Variants in TBC1D1 observed in about 807,000 individuals in gnomAD.
The protein encoded by TBC1D1 is TBC1 (tre-2/USP6, BUB2, cdc16) domain family, member 1.
TBC1D1 carries 89 observed loss-of-function variants against 125.6 expected under a neutral mutation model. The observed-to-expected ratio is 0.71, with a 90% CI of 0.60 to 0.85. TBC1D1 has a LOEUF of 0.85. TBC1D1 is among the 40% of genes least tolerant of loss of function. TBC1D1 has a pLI of 0.00. For missense variants in TBC1D1, 1,377 were observed against 1,469.2 expected (o/e 0.94, Z 1.03); for synonymous variants, 565 against 564.1 (o/e 1.00, Z -0.02).
chr4:38,111,446 G>T (rs1339262600), intron 15 of TBC1D1, among the ~76,000 whole-genome samples: 1 of 151,912 alleles, frequency 6.6e-6, no homozygotes, highest in East Asian at 1.9e-4. Flanking sequence ...TATTTGATTC[G>T]TATTTATTTT....
rs559688670 is a variant in TBC1D1, at chr4:38,014,879, C to A, written c.788C>A (p.Ser263Tyr). Residue 263 changes from serine (S) to tyrosine (Y), a missense_variant, in exon 3 of 20, where the codon TCC becomes TAC. By Grantham distance (144) the Ser-to-Tyr change is moderately radical. This residue lies in a region of TBC1D1 where 822 missense variants were observed against 824.6 expected (regional missense o/e 1.00). Coordinates refer to ENST00000261439, the MANE Select transcript of TBC1D1 (RefSeq NM_015173.4). This position sits in a 1 kb window ranked among gnomAD's most constrained non-coding sequence, Gnocchi z 5.1. ...CTCCGAAGCAGCGGCTTCTTCAGCT[C>A]CTTCGAGGAGAGCGACATTGAGAAC... is the stretch of plus-strand genomic sequence containing the variant. 1.9e-6 allele frequency: 3 copies of A among 1,608,426 alleles called. No homozygotes were observed. The South Asian group carries it at 3.3e-5, about 18-fold the overall frequency.
At chr4:38,015,434 G>A (rs1427485009) in intron 3 of TBC1D1, among the ~76,000 whole-genome samples, 2 of 151,118 alleles carry the variant, frequency 1.3e-5, no homozygotes, top group East Asian at 3.9e-4. Flanking sequence ...TACCCAAACT[G>A]AAATATTAAT....
At chr4:38,052,194 TGC>T (rs561090742) in intron 11 of TBC1D1, 134 bp downstream of exon 12, 49 of 581,170 alleles carry the variant, frequency 8.4e-5, no homozygotes, top group Middle Eastern at 3.1e-4. Flanking sequence ...TGTGTGTGTG[TGC>T]GCGCGCGTGT....
At chr4:37,964,640 G>C (rs1416848207) in intron 2 of TBC1D1, among the ~76,000 whole-genome samples, 1 of 152,222 alleles carries the variant, frequency 6.6e-6, no homozygotes, top group African/African-American at 2.4e-5. Context: ...GCCTGGATGG[G>C]GACAAGGGGC....
Position 38,014,653 on chromosome 4 carries a change from G to C in TBC1D1, c.562G>C (p.Ala188Pro), listed in dbSNP as rs781053242. ...CCGCGTGACGGTGGCGCACAAGAAG[G>C]CTCCGCCGGCCCTGATCGACGAGTG... Residue 188 changes from alanine to proline, a missense_variant, in exon 3 of 20, where the codon GCT becomes CCT. Physicochemically the swap from Ala to Pro is conservative, Grantham distance 27. This residue lies in a region of TBC1D1 where 822 missense variants were observed against 824.6 expected (regional missense o/e 1.00). Transcript: ENST00000261439. This position sits in a 1 kb window ranked among gnomAD's most constrained non-coding sequence, Gnocchi z 5.1. The C allele has an allele frequency of 2.0e-5, 32 of 1,613,132 alleles. No individual in the cohort carries two copies. The highest frequency in any genetic ancestry group is 2.7e-5 in the Non-Finnish European group (32 of 1,180,024).
At chr4:38,052,190 TGTGTGC>T (rs2152482756) in intron 11 of TBC1D1, 130 bp downstream of exon 12, 19 of 614,692 alleles carry the variant, frequency 3.1e-5, no homozygotes, top group South Asian at 5.6e-5. Context: ...TGTGTGTGTG[TGTGTGC>T]GCGCGCGTGT....
chr4:38,065,956 C>T (rs1753658787), intron 12 of TBC1D1, among the ~76,000 whole-genome samples: 5 of 152,162 alleles, frequency 3.3e-5, no homozygotes, highest in Admixed American at 3.3e-4. Flanking sequence ...GGACTTACTG[C>T]CCATCTTTTA....
chr4:38,116,394 A>G (rs1022929793), intron 16 of TBC1D1, among the ~76,000 whole-genome samples: 1 of 152,178 alleles, frequency 6.6e-6, no homozygotes, highest in African/African-American at 2.4e-5. Flanking sequence ...TCCTGGGAGA[A>G]GCTCATTCTG....
intron 17 of TBC1D1, 58 bp from the exon 20 acceptor site, chr4:38,124,904 A>G (rs1239618707): frequency 6.8e-7 from 1 of 1,469,150 alleles, no homozygotes; most frequent in Non-Finnish European, 9.5e-7. Context: ...AGGCAATGGA[A>G]TGGTATTGCG....
chr4:37,928,926 G>A (rs1722707599), intron 2 of TBC1D1, among the ~76,000 whole-genome samples: 1 of 152,190 alleles, frequency 6.6e-6, no homozygotes, highest in African/African-American at 2.4e-5. Flanking sequence ...ATTCTCGGCA[G>A]TGCTGAAGAT....
Position 38,054,222 on chromosome 4 carries a change from A to G in TBC1D1, c.1934A>G (p.His645Arg), listed in dbSNP as rs763735443. The G allele has an allele frequency of 2.5e-6, 4 of 1,614,114 alleles. No homozygotes were observed. Among genetic ancestry groups the G allele is most frequent in the East Asian group, 4.5e-5 (2 of 44,902 alleles). The change falls in exon 12 of 20, where the codon CAT becomes CGT. Residue 645 changes from histidine (H) to arginine (R), a missense_variant. Physicochemically the swap from His to Arg is conservative, Grantham distance 29. Transcript: ENST00000261439. ...AGGGACTTTGAATCCAAAGCAAACC[A>G]TCTTGGTGATTCTGGTGGGACTCCT...
intron 12 of TBC1D1, among the ~76,000 whole-genome samples, chr4:38,089,359 A>T (rs1193992290): frequency 6.6e-6 from 1 of 152,234 alleles, no homozygotes; most frequent in African/African-American, 2.4e-5. Context: ...AATACATTTT[A>T]ATCTTCCTTC....
intron 12 of TBC1D1, among the ~76,000 whole-genome samples, chr4:38,065,146 C>G (rs1370199709): frequency 1.3e-5 from 2 of 151,990 alleles, no homozygotes; most frequent in African/African-American, 2.4e-5. Context: ...CCATGTTGAC[C>G]AGGCTGGTCT....
intron 16 of TBC1D1, among the ~76,000 whole-genome samples, chr4:38,117,526 CA>C (rs1384229079): frequency 6.6e-6 from 1 of 152,074 alleles, no homozygotes; most frequent in Non-Finnish European, 1.5e-5. Context: ...TATTATACAC[CA>C]AAAGAAATTA....
chr4:38,030,574 A>G (rs562413026), intron 7 of TBC1D1: 1 of 152,368 alleles, frequency 6.6e-6, no homozygotes, highest in South Asian at 2.1e-4. Context: ...TTTATAAAAC[A>G]TTTTATAAAC....
intron 2 of TBC1D1, among the ~76,000 whole-genome samples, chr4:37,990,356 T>TA (rs1344816444): frequency 6.6e-6 from 1 of 152,114 alleles, no homozygotes; most frequent in Non-Finnish European, 1.5e-5. Context: ...TCATTAGTGT[T>TA]AATGTATTTT....
At chr4:37,920,337 C>A (rs962255587) in intron 2 of TBC1D1, among the ~76,000 whole-genome samples, 1 of 152,108 alleles carries the variant, frequency 6.6e-6, no homozygotes, top group Non-Finnish European at 1.5e-5. Context: ...ACTAGGTGAG[C>A]TCTCTTCCAC....
In TBC1D1 at chr4:38,052,719, C is replaced by T. The variant is rs1010457462; in HGVS notation, c.1911-1480C>T. The stretch of plus-strand genomic sequence containing the variant: ...ATGCGTATATACACACACACGCGCG[C>T]GCGCGCGCGCACACACACACACACA... On this transcript the variant is annotated intron_variant, in intron 11 of 19. Coordinates refer to ENST00000261439, the MANE Select transcript of TBC1D1 (RefSeq NM_015173.4). 6.9e-5 allele frequency among the ~76,000 whole-genome samples: 5 copies of T among 72,744 alleles called. No homozygotes were observed. In the South Asian group the frequency reaches 3.4e-3, roughly 49 times the overall value. The allele number at this position is 72,744 out of a possible 152,430, so 47.7% of individuals were successfully genotyped here.
chr4:37,910,128 A>G (rs1577801831), intron 2 of TBC1D1, among the ~76,000 whole-genome samples: 1 of 152,172 alleles, frequency 6.6e-6, no homozygotes, highest in Non-Finnish European at 1.5e-5. Flanking sequence ...TGTTTTACAC[A>G]TATGACTTTA....
Sources: gnomAD v4.1 joint callset for allele counts (sites outside exome capture counted in the v4.1 genomes callset) on GRCh38, gnomAD v4.1.1 for gene constraint, gnomAD v4.1.1 regional missense constraint, Gnocchi (gnomAD v3.1) non-coding constraint, MANE v1.5 for transcripts, NCBI Gene and HGNC (gene_info 2026-07-23, HGNC 2026-07-21) for gene names.